RABGAP1L: variants seen among roughly 807,000 people sequenced by gnomAD.
The protein encoded by RABGAP1L is RAB GTPase activating protein 1 like, also known as rab GTPase-activating protein 1-like.
Under a neutral mutation model 137.7 loss-of-function variants are expected in RABGAP1L, and 63 were observed. The observed-to-expected ratio is 0.46, with a 90% CI of 0.37 to 0.56. The LOEUF is 0.56. Ranked by LOEUF, RABGAP1L falls within the 20% of genes least tolerant of loss-of-function variation. The pLI is 0.00. For missense variants in RABGAP1L, 1,095 were observed against 1,244.0 expected, an observed-to-expected ratio of 0.88 and a Z score of 1.80; for synonymous variants, 431 against 433.7, an observed-to-expected ratio of 0.99 and a Z score of 0.08.
chr1:174,730,856 G>A (rs1392726244), intron 17 of RABGAP1L, among the ~76,000 whole-genome samples: 1 of 152,066 alleles, frequency 6.6e-6, no homozygotes, highest in Non-Finnish European at 1.5e-5. Flanking sequence ...AGTAAAAATT[G>A]TGGCCTAGAA....
intron 13 of RABGAP1L, among the ~76,000 whole-genome samples, chr1:174,562,003 A>G (rs894683229): frequency 2.6e-5 from 4 of 152,356 alleles, no homozygotes; most frequent in Non-Finnish European, 1.5e-5. Context: ...AAATTGACAC[A>G]TGGGATCTAA....
chr1:174,424,781 A>G (rs1194293115), intron 13 of RABGAP1L, among the ~76,000 whole-genome samples: 1 of 152,030 alleles, frequency 6.6e-6, no homozygotes, highest in African/African-American at 2.4e-5. Flanking sequence ...ATTGACTTGT[A>G]TATCACATCA....
At chr1:174,445,595 A>G (rs573467154) in intron 13 of RABGAP1L, among the ~76,000 whole-genome samples, 1 of 152,318 alleles carries the variant, frequency 6.6e-6, no homozygotes, top group East Asian at 1.9e-4. Flanking sequence ...AGAGATTAGT[A>G]AATGATTTCT....
chr1:174,816,733 TC>T (rs1302717073), intron 19 of RABGAP1L, among the ~76,000 whole-genome samples: 4 of 67,172 alleles, frequency 6.0e-5, no homozygotes, highest in African/African-American at 1.3e-4. Context: ...AAGAAACAAG[TC>T]TTTTTTTTTT....
intron 13 of RABGAP1L, among the ~76,000 whole-genome samples, chr1:174,561,307 T>G (rs1289182290): frequency 6.6e-6 from 1 of 152,182 alleles, no homozygotes; most frequent in East Asian, 1.9e-4. Flanking sequence ...TACAGGGATG[T>G]GAAGGACCTC....
Position 174,351,321 on chromosome 1 carries a change from T to G in RABGAP1L, c.1466-19658T>G, listed in dbSNP as rs532197881. 2.0e-5 allele frequency among the ~76,000 whole-genome samples: 3 copies of G among 152,340 alleles called. No homozygotes were observed. In the East Asian group the frequency reaches 5.8e-4, roughly 29 times the overall value. On this transcript the variant is annotated intron_variant, in intron 11 of 25. Coordinates refer to ENST00000681986, the MANE Select transcript of RABGAP1L (RefSeq NM_001366446.1). ...TCATTAATGTCCTTTTCCTTCAGATTGAAGAACTCCCTTTAGCATTTCTTG... is the reference window on the plus strand; with the variant it reads ...TCATTAATGTCCTTTTCCTTCAGATGGAAGAACTCCCTTTAGCATTTCTTG...
At chr1:174,210,168 A>G (rs887440287) in intron 1 of RABGAP1L, among the ~76,000 whole-genome samples, 2 of 152,166 alleles carry the variant, frequency 1.3e-5, no homozygotes, top group Non-Finnish European at 2.9e-5. Context: ...ACTACAGTAG[A>G]TACCTAACTC....
intron 13 of RABGAP1L, among the ~76,000 whole-genome samples, chr1:174,636,232 C>T (rs570157311): frequency 3.9e-5 from 6 of 152,100 alleles, no homozygotes; most frequent in South Asian, 2.1e-4. Context: ...CTAGGCTTAT[C>T]TTTAAAGAAG....
chr1:174,350,580 G>A (rs1182961539), intron 11 of RABGAP1L, among the ~76,000 whole-genome samples: 3 of 117,360 alleles, frequency 2.6e-5, no homozygotes, highest in Non-Finnish European at 3.6e-5. Flanking sequence ...GATGGCGGCC[G>A]GGCAGAGACG....
intron 18 of RABGAP1L, among the ~76,000 whole-genome samples, chr1:174,755,348 T>C (rs1684656353): frequency 6.6e-6 from 1 of 152,228 alleles, no homozygotes; most frequent in Non-Finnish European, 1.5e-5. Flanking sequence ...TTTATTTACT[T>C]ATATGAAACA....
intron 13 of RABGAP1L, among the ~76,000 whole-genome samples, chr1:174,564,313 T>C (rs1385963406): frequency 1.3e-5 from 2 of 152,180 alleles, no homozygotes; most frequent in Non-Finnish European, 2.9e-5. Flanking sequence ...CTGTCACATA[T>C]ATTATGATTG....
intron 15 of RABGAP1L, among the ~76,000 whole-genome samples, chr1:174,698,810 TA>T (rs973829399): frequency 2.0e-5 from 3 of 151,954 alleles, no homozygotes; most frequent in African/African-American, 7.3e-5. Context: ...AAAATAAAAT[TA>T]AAAATGTAAT....
At chr1:174,901,352 C>A (rs1658111193) in intron 19 of RABGAP1L, among the ~76,000 whole-genome samples, 2 of 152,080 alleles carry the variant, frequency 1.3e-5, no homozygotes, top group Admixed American at 6.5e-5. Context: ...AGGAAACTTA[C>A]AATAATGGCA....
At chr1:174,699,448 A>T (rs1172710609) in intron 15 of RABGAP1L, 77 bp from the exon 16 acceptor site, 3 of 1,413,110 alleles carry the variant, frequency 2.1e-6, no homozygotes, top group Admixed American at 4.0e-5. Flanking sequence ...CAGAGGACTA[A>T]TAACATGAAG....
intron 13 of RABGAP1L, chr1:174,548,266 C>G: frequency 1.5e-6 from 2 of 1,368,220 alleles, no homozygotes; most frequent in Non-Finnish European, 1.9e-6. Context: ...TTTTTAAACT[C>G]TTTGCTATAT....
At chr1:174,743,851 C>G (rs1683650885) in intron 17 of RABGAP1L, among the ~76,000 whole-genome samples, 1 of 151,690 alleles carries the variant, frequency 6.6e-6, no homozygotes, top group African/African-American at 2.4e-5. Flanking sequence ...TCATCCCTAC[C>G]CATTCTTGAA....
At chr1:174,568,456 A>G (rs1033077649) in intron 13 of RABGAP1L, among the ~76,000 whole-genome samples, 1 of 152,246 alleles carries the variant, frequency 6.6e-6, no homozygotes, top group Non-Finnish European at 1.5e-5. Flanking sequence ...TGGCAATGAC[A>G]AAAAACTTTC....
chr1:174,384,112 G>T (rs1686511172), intron 12 of RABGAP1L, among the ~76,000 whole-genome samples: 1 of 152,206 alleles, frequency 6.6e-6, no homozygotes, highest in Non-Finnish European at 1.5e-5. Flanking sequence ...AGAATGAACT[G>T]ATATACATTA....
At chr1:174,561,336 C>T (rs2148016975) in intron 13 of RABGAP1L, among the ~76,000 whole-genome samples, 1 of 152,210 alleles carries the variant, frequency 6.6e-6, no homozygotes, top group South Asian at 2.1e-4. Context: ...GAACTAGAAA[C>T]CACTGCTCAA....
Sources: gnomAD v4.1 joint callset for allele counts (sites outside exome capture counted in the v4.1 genomes callset) on GRCh38, gnomAD v4.1.1 for gene constraint, MANE v1.5 for transcripts, NCBI Gene and HGNC (gene_info 2026-07-23, HGNC 2026-07-21) for gene names.